The following CUX2 variants were observed in gnomAD, a reference collection of about 807,000 sequenced individuals.
The protein encoded by CUX2 is homeobox protein cut-like 2.
A neutral mutation model predicts 144.8 loss-of-function variants in CUX2; 40 were observed. That is an observed-to-expected ratio of 0.28 (90% CI 0.21 to 0.36). The LOEUF is 0.36. Ranked by LOEUF, CUX2 falls within the 10% of genes least tolerant of loss-of-function variation. CUX2 has a pLI of 1.00. For synonymous variants in CUX2, 827 were observed against 875.6 expected (o/e 0.94, Z 0.98); for missense variants, 1,615 against 1,994.0 (o/e 0.81, Z 3.62).
rs148993588 is a variant in CUX2 at position 111,126,811 on chromosome 12, C to T, written c.64-87389C>T. On this transcript the variant is annotated intron_variant, in intron 1 of 21. Transcript: ENST00000261726. ...AGTCCACCCCTTGTCAACTTGGCAC[C>T]CATATGCATCTCCTTAAGCCATGTT... 4.6e-3 allele frequency among the ~76,000 whole-genome samples: 700 copies of T among 152,252 alleles called. 9 individuals are homozygous for T. Among genetic ancestry groups the T allele is most frequent in the African/African-American group, 0.016 (656 of 41,542 alleles).
intron 1 of CUX2, among the ~76,000 whole-genome samples, chr12:111,073,241 T>TCTTA (rs113845338): frequency 0.015 from 2,209 of 152,228 alleles, 88 homozygotes; most frequent in African/African-American, 0.05. Flanking sequence ...CACAGATTAG[T>TCTTA]CTTGTTTGGA....
intron 3 of CUX2, among the ~76,000 whole-genome samples, chr12:111,260,801 C>T (rs1242837741): frequency 2.0e-5 from 3 of 152,196 alleles, no homozygotes; most frequent in Non-Finnish European, 4.4e-5. Flanking sequence ...CAGCACTTGT[C>T]CCCACCCTTG....
intron 1 of CUX2, among the ~76,000 whole-genome samples, chr12:111,145,535 A>AT (rs945826658): frequency 6.6e-6 from 1 of 151,790 alleles, no homozygotes; most frequent in Non-Finnish European, 1.5e-5. Context: ...TGCCCAACTA[A>AT]TTTTTTTACT....
chr12:111,306,041 G>A (rs1286332635), intron 10 of CUX2, among the ~76,000 whole-genome samples: 1 of 152,126 alleles, frequency 6.6e-6, no homozygotes, highest in Non-Finnish European at 1.5e-5. Context: ...AGTGAACACA[G>A]GAGAGAGAGG....
At position 111,214,218 on chromosome 12, in the gene CUX2, G is replaced by A. The variant is rs374906688; in HGVS notation, c.82G>A (p.Ala28Thr). 1.3e-5 allele frequency: 20 copies of A among 1,508,114 alleles called. No individual in the cohort carries two copies. The highest frequency in any genetic ancestry group is 7.7e-5 in the African/African-American group (5 of 64,600). The allele number at this position is 1,508,114 out of a possible 1,614,324, so 93.4% of individuals were successfully genotyped here. A position where few individuals can be genotyped will look rare whatever the true frequency, so the allele number is the denominator to read the frequency against. Residue 28 changes from alanine to threonine, a missense_variant, in exon 2 of 22, where the codon GCT (alanine) becomes ACT (threonine). Physicochemically the swap from Ala to Thr is moderately conservative, Grantham distance 58 (BLOSUM62 0). Coordinates refer to ENST00000261726, the MANE Select transcript of CUX2 (RefSeq NM_015267.4). ...RRLQKELNSV[A>T]SELSARQEES... Reference sequence around the variant, plus strand: ...GTTCCAGAAGGAGCTTAATTCCGTCGCTTCTGAGCTGTCTGCACGGCAGGA... The same window carrying A: ...GTTCCAGAAGGAGCTTAATTCCGTCACTTCTGAGCTGTCTGCACGGCAGGA...
chr12:111,129,016 A>G (rs1875270618), intron 1 of CUX2, among the ~76,000 whole-genome samples: 1 of 152,230 alleles, frequency 6.6e-6, no homozygotes, highest in Non-Finnish European at 1.5e-5. Flanking sequence ...CCAAATCCAA[A>G]GATGCCCACT....
intron 6 of CUX2, among the ~76,000 whole-genome samples, chr12:111,294,596 A>C (rs1221219632): frequency 6.6e-6 from 1 of 151,546 alleles, no homozygotes; most frequent in Non-Finnish European, 1.5e-5. Flanking sequence ...AAAAAAAAAA[A>C]AAAAAAAGAA....
intron 9 of CUX2, 92 bp downstream of exon 9, chr12:111,298,681 T>C (rs1886139089): frequency 8.0e-7 from 1 of 1,251,038 alleles, no homozygotes; most frequent in Admixed American, 2.0e-5. Flanking sequence ...GGGACTGAGC[T>C]TCATCAATAT....
rs946871074 is a variant in CUX2 at position 111,246,774 on chromosome 12, C to T, written c.223-16987C>T. Among the ~76,000 whole-genome samples, 9 of 152,172 alleles carry T rather than the reference C, an allele frequency of 5.9e-5. No homozygotes were observed. The highest frequency in any genetic ancestry group is 2.1e-4 in the South Asian group (1 of 4,836). ...ACTGCTCTCCCTCCTGTTGAATCAA[C>T]GGCCTGCCTCTCTTGTGTGAGCCTG... On this transcript the variant is annotated intron_variant, in intron 3 of 21. Transcript: ENST00000261726. The surrounding 1 kb of genome is among the most constrained non-coding windows in gnomAD (Gnocchi z 4.0).
At chr12:111,100,058 G>C in intron 1 of CUX2, 1 of 456,854 alleles carries the variant, frequency 2.2e-6, no homozygotes, top group Non-Finnish European at 4.4e-6. Context: ...GAGCGGGGCT[G>C]TGTCTGGACA....
rs1421239590 is a variant in CUX2, at chr12:111,034,969, C to T, written c.63+729C>T. Among the ~76,000 whole-genome samples, 1 of 151,832 alleles carries T rather than the reference C, an allele frequency of 6.6e-6. No individual in the cohort carries two copies. Among genetic ancestry groups the T allele is most frequent in the Non-Finnish European group, 1.5e-5 (1 of 67,904 alleles). On this transcript the variant is annotated intron_variant, in intron 1 of 21. Transcript: ENST00000261726. This position sits in a 1 kb window ranked among gnomAD's most constrained non-coding sequence, Gnocchi z 4.2. ...GGGTTCGTCTTGCTTCTTGCCTTTA[C>T]CCCCCCGCCCCTTCCATCCCCTTCC... is the stretch of plus-strand genomic sequence containing the variant.
At chr12:111,155,613 A>T (rs916569090) in intron 1 of CUX2, among the ~76,000 whole-genome samples, 13 of 152,130 alleles carry the variant, frequency 8.5e-5, no homozygotes, top group Non-Finnish European at 1.6e-4. Flanking sequence ...TTCCCAGGGA[A>T]ACCACCCTAG....
intron 3 of CUX2, among the ~76,000 whole-genome samples, chr12:111,236,722 T>G (rs1337640085): frequency 6.6e-6 from 1 of 152,170 alleles, no homozygotes; most frequent in East Asian, 1.9e-4. Context: ...GAATTTTATG[T>G]TCAATATAAT....
intron 4 of CUX2, among the ~76,000 whole-genome samples, chr12:111,285,684 C>T: frequency 6.6e-6 from 1 of 152,230 alleles, no homozygotes; most frequent in Admixed American, 6.5e-5. Flanking sequence ...AATGACTTCA[C>T]CCCAGTGCCT....
At chr12:111,065,288 G>C (rs1381754774) in intron 1 of CUX2, among the ~76,000 whole-genome samples, 7 of 152,266 alleles carry the variant, frequency 4.6e-5, no homozygotes, top group African/African-American at 1.7e-4. Flanking sequence ...ATTTGACCCA[G>C]GGCCGATGGG....
intron 14 of CUX2, among the ~76,000 whole-genome samples, chr12:111,309,191 C>T (rs1720313368): frequency 6.6e-6 from 1 of 152,226 alleles, no homozygotes; most frequent in Admixed American, 6.5e-5. Context: ...AGGCATAAGC[C>T]ACCGCACCCA....
At chr12:111,211,086 G>A (rs543582061) in intron 1 of CUX2, among the ~76,000 whole-genome samples, 3 of 152,320 alleles carry the variant, frequency 2.0e-5, no homozygotes, top group African/African-American at 7.2e-5. Flanking sequence ...GCTTAGCATA[G>A]TGCCTGGTAC....
At position 111,308,415 on chromosome 12, in the gene CUX2, C is replaced by T. The variant is rs1462337849; in HGVS notation, c.1159-12C>T. ...CACCAGGTGCCCTCTCAACCTGCCT[C>T]TTGTCTCCTAGGGCATGGCCAAGCC... On this transcript the variant is annotated splice_polypyrimidine_tract_variant and intron_variant, in intron 13 of 21. Coordinates refer to ENST00000261726, the MANE Select transcript of CUX2 (RefSeq NM_015267.4). 1.2e-6 allele frequency: 2 copies of T among 1,614,008 alleles called. No individual in the cohort carries two copies. The highest frequency in any genetic ancestry group is 1.3e-5 in the African/African-American group (1 of 74,930).
At chr12:111,325,545 G>A (rs1887736212) in intron 18 of CUX2, among the ~76,000 whole-genome samples, 1 of 151,940 alleles carries the variant, frequency 6.6e-6, no homozygotes, top group African/African-American at 2.4e-5. Flanking sequence ...CAGGCTTCCT[G>A]CCCCCTAGGG....
Sources: allele counts gnomAD v4.1 joint callset (sites outside exome capture counted in the v4.1 genomes callset), GRCh38; gene constraint gnomAD v4.1.1; non-coding constraint Gnocchi (gnomAD v3.1); transcripts MANE v1.5; gene names NCBI Gene and HGNC (gene_info 2026-07-23, HGNC 2026-07-21).